Variants in ISCA1 observed in about 807,000 individuals in gnomAD.
ISCA1 encodes iron-sulfur cluster assembly 1 homolog, mitochondrial.
A neutral mutation model predicts 14.7 loss-of-function variants in ISCA1; 9 were observed. That is an observed-to-expected ratio of 0.61 (90% CI 0.37 to 1.07). The LOEUF is 1.07. Among genes scored for constraint, ISCA1 ranks in the 50% least tolerant of loss-of-function variants. ISCA1 has a pLI of 0.01. For synonymous variants in ISCA1, 38 were observed against 54.3 expected (o/e 0.70, Z 1.32); for missense variants, 102 against 150.1 (o/e 0.68, Z 1.67).
chr9:86,273,943 T>G (rs973102232), intron 2 of ISCA1, among the ~76,000 whole-genome samples: 5 of 152,196 alleles, frequency 3.3e-5, no homozygotes, highest in Non-Finnish European at 7.4e-5. Flanking sequence ...GTATACATTA[T>G]CCCTGGAAGG....
At position 86,272,216 on chromosome 9, in the gene ISCA1, C is replaced by CT. The variant is rs1825379158; in HGVS notation, c.136-105dup. The CT allele has an allele frequency of 2.7e-5, 20 of 748,398 alleles. No homozygotes were observed. In the South Asian group the frequency reaches 3.1e-4, roughly 12 times the overall value. The allele number at this position is 748,398 out of a possible 1,614,324, so 46.4% of individuals were successfully genotyped here. A position where few individuals can be genotyped will look rare whatever the true frequency, so the allele number is the denominator to read the frequency against. ...CTCCTCGTACCAAAATGGACTTTCTCTTATTTTTTGTAGGACAGGGTCTCA... is the reference window on the plus strand; with the variant it reads ...CTCCTCGTACCAAAATGGACTTTCTCTTTATTTTTTGTAGGACAGGGTCTCA... On this transcript the variant is annotated intron_variant, in intron 2 of 3. Transcript: ENST00000375991.
chr9:86,265,877 C>T lies in ISCA1; in HGVS notation c.*166G>A. 5 of 1,100,424 alleles carry T rather than the reference C, an allele frequency of 4.5e-6. No homozygotes were observed. The South Asian group carries it at 5.1e-5, about 11-fold the overall frequency. The allele number at this position is 1,100,424 out of a possible 1,614,324, so 68.2% of individuals were successfully genotyped here. On this transcript the variant is annotated 3_prime_UTR_variant, in exon 4 of 4. Transcript: ENST00000375991. ...GTGATGGCTTCTCATTTTCTGTCCC[C>T]TATAGAGAATATAAATATCATTTCT... is the stretch of plus-strand genomic sequence containing the variant.
At chr9:86,269,185 C>T (rs1165554503) in intron 3 of ISCA1, among the ~76,000 whole-genome samples, 2 of 152,272 alleles carry the variant, frequency 1.3e-5, no homozygotes, top group South Asian at 2.1e-4. Context: ...TTAACACACC[C>T]GACCACATTT....
chr9:86,272,224 T>C, intron 2 of ISCA1, 112 bp from the exon 3 acceptor site: 1 of 719,100 alleles, frequency 1.4e-6, no homozygotes, highest in Non-Finnish European at 2.5e-6. Flanking sequence ...CTCTTATTTT[T>C]TGTAGGACAG....
chr9:86,279,228 T>C (rs537796414), intron 1 of ISCA1, among the ~76,000 whole-genome samples: 2 of 152,250 alleles, frequency 1.3e-5, no homozygotes, highest in Non-Finnish European at 2.9e-5. Flanking sequence ...TCAAGAATGA[T>C]AGTGGCTGTG....
chr9:86,272,330 C>A (rs950296355), intron 2 of ISCA1, among the ~76,000 whole-genome samples: 1 of 152,186 alleles, frequency 6.6e-6, no homozygotes, highest in Non-Finnish European at 1.5e-5. Flanking sequence ...AAGGCAGGAG[C>A]CACCCCGTCC....
intron 3 of ISCA1, among the ~76,000 whole-genome samples, chr9:86,270,746 T>C (rs1317594301): frequency 6.7e-6 from 1 of 150,280 alleles, no homozygotes. Context: ...ATATACACCA[T>C]GGAATACTAT....
chr9:86,273,124 C>G (rs1564009521), intron 2 of ISCA1, among the ~76,000 whole-genome samples: 2 of 152,180 alleles, frequency 1.3e-5, no homozygotes, highest in Non-Finnish European at 2.9e-5. Flanking sequence ...ACACTGATAT[C>G]CTTTGAAATT....
In ISCA1 at chr9:86,272,069, A is replaced by T. The variant is rs753543179; in HGVS notation, c.179T>A (p.Leu60His). 2.6e-5 allele frequency: 42 copies of T among 1,607,246 alleles called. No homozygotes were observed. The highest frequency in any genetic ancestry group is 3.5e-5 in the Non-Finnish European group (41 of 1,174,356). ...VGVRTRGCNGLSYTLEYTKTK... is the reference protein window; with the variant it reads ...VGVRTRGCNGHSYTLEYTKTK... ...CTTTGTATATTCTAGAGTATAAGAA[A>T]GGCCATTACAGCCCCTGGTTCGGAC... The change falls in exon 3 of 4, where the codon CTT becomes CAT. Residue 60 changes from leucine to histidine, a missense_variant. By Grantham distance (99) the Leu-to-His change is moderately conservative. Transcript: ENST00000375991.
intron 3 of ISCA1, chr9:86,267,716 C>T: frequency 2.5e-6 from 1 of 398,686 alleles, no homozygotes; most frequent in Non-Finnish European, 3.4e-6. Flanking sequence ...GCCTATAATC[C>T]CAGCTACTTG....
Position 86,282,365 on chromosome 9 carries a change from C to T in ISCA1, c.81+13G>A. The stretch of plus-strand genomic sequence containing the variant: ...CAATGTCACGGGCCCCGCCGCGCGC[C>T]GCGAGCACTCACCAGGGTGAGGGCT... On this transcript the variant is annotated intron_variant, in intron 1 of 3. Transcript: ENST00000375991. 6.5e-7 allele frequency: 1 copy of T among 1,540,018 alleles called. No individual in the cohort carries two copies. Among genetic ancestry groups the T allele is most frequent in the Non-Finnish European group, 8.8e-7 (1 of 1,139,730 alleles).
At chr9:86,269,260 A>T (rs1231104014) in intron 3 of ISCA1, among the ~76,000 whole-genome samples, 1 of 152,250 alleles carries the variant, frequency 6.6e-6, no homozygotes, top group African/African-American at 2.4e-5. Flanking sequence ...TACAAAATCA[A>T]TGCACAAAAA....
At chr9:86,267,243 C>G in intron 3 of ISCA1, 1 of 748,648 alleles carries the variant, frequency 1.3e-6, no homozygotes, top group Non-Finnish European at 1.6e-6. Context: ...AACAAAACAA[C>G]GAAACAACAA....
At chr9:86,266,430 G>A (rs1825293739) in intron 3 of ISCA1, among the ~76,000 whole-genome samples, 1 of 151,992 alleles carries the variant, frequency 6.6e-6, no homozygotes, top group African/African-American at 2.4e-5. Context: ...TAAATTCCAT[G>A]ACAATTTTAT....
intron 3 of ISCA1, among the ~76,000 whole-genome samples, chr9:86,269,820 T>C (rs1229631394): frequency 6.6e-6 from 1 of 151,990 alleles, no homozygotes; most frequent in Non-Finnish European, 1.5e-5. Flanking sequence ...TTGACAAACC[T>C]GACAAAAACA....
intron 3 of ISCA1, among the ~76,000 whole-genome samples, chr9:86,268,183 T>C (rs560207985): frequency 3.3e-5 from 5 of 152,204 alleles, no homozygotes; most frequent in African/African-American, 1.2e-4. Flanking sequence ...GGCATCATTA[T>C]CACAGAAGAT....
Position 86,264,674 on chromosome 9 carries a change from A to G in ISCA1, c.*1369T>C, listed in dbSNP as rs1240309299. Reference sequence around the variant, plus strand: ...ATACAAACTCATGAGCATTTACATAAAACTACCGCTCTAGGTTTTGGTGTG... The same window carrying G: ...ATACAAACTCATGAGCATTTACATAGAACTACCGCTCTAGGTTTTGGTGTG... On this transcript the variant is annotated 3_prime_UTR_variant, in exon 4 of 4. Coordinates refer to ENST00000375991, the MANE Select transcript of ISCA1 (RefSeq NM_030940.4). 1 of 152,524 alleles carries G rather than the reference A, an allele frequency of 6.6e-6. No homozygotes were observed. Among genetic ancestry groups the G allele is most frequent in the Non-Finnish European group, 1.5e-5 (1 of 68,034 alleles). The allele number at this position is 152,524 out of a possible 1,614,324, so 9.4% of individuals were successfully genotyped here.
chr9:86,282,253 G>C, intron 1 of ISCA1, 125 bp downstream of exon 1: 2 of 1,073,530 alleles, frequency 1.9e-6, no homozygotes, highest in South Asian at 3.4e-5. Context: ...GCGGCGGGTC[G>C]GAGCGACGCC....
chr9:86,274,133 T>A (rs1825409671), intron 2 of ISCA1, 56 bp downstream of exon 2: 2 of 967,252 alleles, frequency 2.1e-6, no homozygotes, highest in Non-Finnish European at 3.3e-6. Flanking sequence ...TGGGATAAAT[T>A]CATTCTGAAA....
Sources: gnomAD v4.1 joint callset for allele counts (sites outside exome capture counted in the v4.1 genomes callset) on GRCh38, gnomAD v4.1.1 for gene constraint, MANE v1.5 for transcripts, NCBI Gene and HGNC (gene_info 2026-07-23, HGNC 2026-07-21) for gene names.